The following NDUFS2 variants were observed in gnomAD, a reference collection of about 807,000 sequenced individuals.
NDUFS2 encodes NADH:ubiquinone oxidoreductase core subunit S2.
NDUFS2 carries 38 observed loss-of-function variants against 69.6 expected under a neutral mutation model. The ratio of observed to expected loss-of-function variants is 0.55; its 90% CI spans 0.42 to 0.72. The LOEUF is 0.72. NDUFS2 is among the 30% of genes least tolerant of loss of function. NDUFS2 has a pLI of 0.00. For missense variants in NDUFS2, 468 were observed against 595.0 expected, an observed-to-expected ratio of 0.79 and a Z score of 2.22; for synonymous variants, 194 against 211.2, an observed-to-expected ratio of 0.92 and a Z score of 0.70.
At chr1:161,213,349 T>G (rs373480347) in intron 10 of NDUFS2, 31 bp from the exon 11 acceptor site, 11 of 1,491,310 alleles carry the variant, frequency 7.4e-6, no homozygotes, top group Non-Finnish European at 1.0e-5. Flanking sequence ...TTGGATATGG[T>G]TTATTGATGC....
At position 161,202,436 on chromosome 1, in the gene NDUFS2, G is replaced by A. The variant is rs1437767308; in HGVS notation, c.51G>A (p.Val17=). ...LCGFRGVAAQ[V]LRPGAGVRLP... is the part of the protein sequence containing the mutation. ...GCTTCCGGGGCGTCGCGGCCCAGGT[G>A]CTGCGGCCTGGGGCTGGAGTCCGAT... Residue 17 remains valine (V), a synonymous_variant, in exon 1 of 14, where the codon GTG becomes GTA. Transcript: ENST00000676972. 1.2e-6 allele frequency: 2 copies of A among 1,612,738 alleles called. No homozygotes were observed. Among genetic ancestry groups the A allele is most frequent in the East Asian group, 4.5e-5 (2 of 44,880 alleles).
chr1:161,199,217 C>G (rs533801926), upstream of NDUFS2: 1 of 152,370 alleles, frequency 6.6e-6, no homozygotes, highest in South Asian at 2.1e-4. Flanking sequence ...CTCTAGCAGC[C>G]GAATGGATAA....
At position 161,210,746 on chromosome 1, in the gene NDUFS2, C is replaced by T. The variant is rs750694748; in HGVS notation, c.986+36C>T. ...AATCCTTTCTTGGCTGATATTCCAG[C>T]TAGTTTCCCCTGCCTCACTCTTCTC... On this transcript the variant is annotated intron_variant, in intron 9 of 13. Transcript: ENST00000676972. 4 of 1,613,574 alleles carry T rather than the reference C, an allele frequency of 2.5e-6. No individual in the cohort carries two copies. In the African/African-American group the frequency reaches 4.0e-5, roughly 16 times the overall value.
chr1:161,203,441 G>C lies in NDUFS2; in HGVS notation c.100G>C (p.Val34Leu). 1.2e-6 allele frequency: 2 copies of C among 1,614,074 alleles called. No individual in the cohort carries two copies. Among genetic ancestry groups the C allele is most frequent in the Non-Finnish European group, 1.7e-6 (2 of 1,179,926 alleles). The change falls in exon 2 of 14, where the codon GTT (valine) becomes CTT (leucine). Residue 34 changes from valine (V) to leucine (L), a missense_variant. Coordinates refer to ENST00000676972, the MANE Select transcript of NDUFS2 (RefSeq NM_001377299.1). ...VRLPIQPSRG[V>L]RQWQPDVEWA... ...GATCTGTCTTTGACTCCCCAGAGGTGTTCGGCAGTGGCAGCCAGATGTGGA... is the reference window on the plus strand; with the variant it reads ...GATCTGTCTTTGACTCCCCAGAGGTCTTCGGCAGTGGCAGCCAGATGTGGA...
rs779120818 is a variant in NDUFS2 at position 161,206,440 on chromosome 1, A to C, written c.236A>C (p.Asn79Thr). 3.7e-6 allele frequency: 6 copies of C among 1,614,268 alleles called. No individual in the cohort carries two copies. The South Asian group carries it at 5.5e-5, about 15-fold the overall frequency. Residue 79 changes from asparagine (N) to threonine (T), a missense_variant, in exon 3 of 14, where the codon AAC (asparagine) becomes ACC (threonine). By Grantham distance (65) the Asn-to-Thr change is moderately conservative (BLOSUM62 0). This residue lies in a region of NDUFS2 where 339 missense variants were observed against 433.8 expected (regional missense o/e 0.78). Transcript: ENST00000676972. The stretch of plus-strand genomic sequence containing the variant: ...CCTCCAAAGGACACAATTGTGAAGA[A>C]CATTACCCTGAACTTTGGGCCCCAA... ...VDPPKDTIVK[N>T]ITLNFGPQHP...
chr1:161,214,387 A>G lies in NDUFS2; in HGVS notation c.*194A>G, dbSNP rs1665945394. ...ATAAATTAGCCGTCTTGCGGCCCCTAGGCCTAAACTTCTGGTATCTTAGTG... is the reference window on the plus strand; with the variant it reads ...ATAAATTAGCCGTCTTGCGGCCCCTGGGCCTAAACTTCTGGTATCTTAGTG... On this transcript the variant is annotated 3_prime_UTR_variant, in exon 14 of 14. Coordinates refer to ENST00000676972, the MANE Select transcript of NDUFS2 (RefSeq NM_001377299.1). 1 of 631,450 alleles carries G rather than the reference A, an allele frequency of 1.6e-6. No individual in the cohort carries two copies. The highest frequency in any genetic ancestry group is 2.6e-5 in the Admixed American group (1 of 38,504). 39.1% of individuals were successfully genotyped at this position (631,450 alleles called of 1,614,324 possible). A position where few individuals can be genotyped will look rare whatever the true frequency, so the allele number is the denominator to read the frequency against.
In NDUFS2 at chr1:161,212,377, G is replaced by A. The variant is rs1452781166; in HGVS notation, c.1013G>A (p.Arg338His). The change falls in exon 10 of 14, where the codon CGC becomes CAC. Residue 338 changes from arginine to histidine, a missense_variant. Physicochemically the swap from Arg to His is conservative, Grantham distance 29. Transcript: ENST00000676972. ...DRYLCRVEEM[R>H]QSLRIIAQCL... ...TACCTGTGCCGGGTGGAGGAGATGCGCCAGTCCCTGAGAATTATCGCACAG... is the reference window on the plus strand; with the variant it reads ...TACCTGTGCCGGGTGGAGGAGATGCACCAGTCCCTGAGAATTATCGCACAG... 3.1e-6 allele frequency: 5 copies of A among 1,613,466 alleles called. No individual in the cohort carries two copies. The highest frequency in any genetic ancestry group is 2.2e-5 in the East Asian group (1 of 44,868).
chr1:161,210,097 C>A lies in NDUFS2; in HGVS notation c.703-14C>A. 1 of 1,613,326 alleles carries A rather than the reference C, an allele frequency of 6.2e-7. No homozygotes were observed. The highest frequency in any genetic ancestry group is 8.5e-7 in the Non-Finnish European group (1 of 1,179,290). ...GCTATGCCACATTCAGTAGCACTTC[C>A]GTTTGGCTTCTAGGACCTACCCCTT... On this transcript the variant is annotated splice_polypyrimidine_tract_variant and intron_variant, in intron 6 of 13. Transcript: ENST00000676972.
rs1370404383 is a variant in NDUFS2 at position 161,210,633 on chromosome 1, G to A, written c.909G>A (p.Arg303=). ...GCTCAGGCATCCAGTGGGACCTGCG[G>A]AAGACCCAGCCCTATGATGTTTACG... ...LRGSGIQWDL[R]KTQPYDVYDQ... The change falls in exon 9 of 14, where the codon CGG becomes CGA. Residue 303 remains arginine, a synonymous_variant. Transcript: ENST00000676972. The A allele has an allele frequency of 3.7e-6, 6 of 1,614,026 alleles. No homozygotes were observed. Among genetic ancestry groups the A allele is most frequent in the Non-Finnish European group, 5.1e-6 (6 of 1,180,026 alleles).
rs1215905436 is a variant in NDUFS2, at chr1:161,206,525, G to A, written c.321G>A (p.Arg107=). 7 of 1,614,134 alleles carry A rather than the reference G, an allele frequency of 4.3e-6. No individual in the cohort carries two copies. Among genetic ancestry groups the A allele is most frequent in the Non-Finnish European group, 5.9e-6 (7 of 1,180,056 alleles). ...LVMELSGEMV[R]KCDPHIGLLH... ...TGGAATTGAGTGGGGAGATGGTGCG[G>A]AAGTGTGATCCTCACATCGGGCTCC... The change falls in exon 3 of 14, where the codon CGG becomes CGA. Residue 107 remains arginine, a synonymous_variant. Transcript: ENST00000676972.
intron 1 of NDUFS2, among the ~76,000 whole-genome samples, chr1:161,202,764 A>G (rs1464953753): frequency 6.6e-6 from 1 of 152,228 alleles, no homozygotes; most frequent in East Asian, 1.9e-4. Flanking sequence ...GCTCAGCCAA[A>G]GAGCCAGAAT....
rs749475242 is a variant in NDUFS2 at position 161,214,244 on chromosome 1, C to A, written c.*51C>A. 6.5e-6 allele frequency: 10 copies of A among 1,541,880 alleles called. No homozygotes were observed. Among genetic ancestry groups the A allele is most frequent in the Middle Eastern group, 3.5e-4 (2 of 5,788 alleles). ...CTGCCTATCAGCTTCTTCTGTGGAG[C>A]CTGTTCCTCACTGGAAATTGGCCTC... is the stretch of plus-strand genomic sequence containing the variant. On this transcript the variant is annotated 3_prime_UTR_variant, in exon 14 of 14. Transcript: ENST00000676972.
At chr1:161,213,109 T>C in intron 10 of NDUFS2, 1 of 384,308 alleles carries the variant, frequency 2.6e-6, no homozygotes, top group Non-Finnish European at 5.0e-6. Flanking sequence ...TTCACTCTGT[T>C]GGCCAGGCTG....
upstream of NDUFS2, chr1:161,202,331 G>A (rs1346531014): frequency 1.3e-6 from 2 of 1,540,440 alleles, no homozygotes; most frequent in South Asian, 2.4e-5. Flanking sequence ...AGAAGGAGGC[G>A]CGCTGGAGTT....
chr1:161,206,712 C>T (rs547542311), intron 3 of NDUFS2, 115 bp downstream of exon 3: 21 of 1,090,748 alleles, frequency 1.9e-5, no homozygotes, highest in East Asian at 2.6e-5. Flanking sequence ...AGGAGTAACC[C>T]GTTGAGATTA....
Position 161,210,580 on chromosome 1 carries a change from G to T in NDUFS2, c.867-11G>T, listed in dbSNP as rs372102111. The T allele has an allele frequency of 1.2e-6, 2 of 1,613,988 alleles. No individual in the cohort carries two copies. Among genetic ancestry groups the T allele is most frequent in the African/African-American group, 2.7e-5 (2 of 74,892 alleles). The stretch of plus-strand genomic sequence containing the variant: ...GGAGAGTGGCCCTTATTCCCATTAT[G>T]CTCTCCACAGTGGAGTGATGCTTCG... On this transcript the variant is annotated splice_polypyrimidine_tract_variant and intron_variant, in intron 8 of 13. Transcript: ENST00000676972.
In NDUFS2 at chr1:161,209,175, A is replaced by G. The variant is rs772925477; in HGVS notation, c.394-18A>G. 4.3e-6 allele frequency: 7 copies of G among 1,613,992 alleles called. No individual in the cohort carries two copies. The highest frequency in any genetic ancestry group is 5.9e-6 in the Non-Finnish European group (7 of 1,180,008). On this transcript the variant is annotated intron_variant, in intron 3 of 13. Coordinates refer to ENST00000676972, the MANE Select transcript of NDUFS2 (RefSeq NM_001377299.1). ...CCTGAGCCTGTTAGATGTGACCCAC[A>G]TTCCTCCCTCTTCCCAGGCCCTTCC...
rs1213462432 is a variant in NDUFS2, at chr1:161,212,451, G to T, written c.1087G>T (p.Val363Leu). 1 of 1,613,828 alleles carries T rather than the reference G, an allele frequency of 6.2e-7. No homozygotes were observed. The change falls in exon 10 of 14, where the codon GTG (valine) becomes TTG (leucine). Residue 363 changes from valine to leucine, a missense_variant. Physicochemically the swap from Val to Leu is conservative, Grantham distance 32 (BLOSUM62 1). Transcript: ENST00000676972. ...PGEIKVDDAK[V>L]SPPKRAEMKT... ...GGAGATCAAGGTTGATGATGCCAAAGTGTCTCCACCTAAGCGAGCAGAGAT... is the reference window on the plus strand; with the variant it reads ...GGAGATCAAGGTTGATGATGCCAAATTGTCTCCACCTAAGCGAGCAGAGAT...
chr1:161,212,730 T>C (rs1665839800), intron 10 of NDUFS2: 2 of 392,370 alleles, frequency 5.1e-6, no homozygotes, highest in Non-Finnish European at 9.6e-6. Context: ...CAGCTAATTT[T>C]TTGTATTCAG....
Sources: gnomAD v4.1 joint callset for allele counts (sites outside exome capture counted in the v4.1 genomes callset) on GRCh38, gnomAD v4.1.1 for gene constraint, gnomAD v4.1.1 regional missense constraint, MANE v1.5 for transcripts, NCBI Gene and HGNC (gene_info 2026-07-23, HGNC 2026-07-21) for gene names.